The following FRMD4B variants were observed in gnomAD, a reference collection of about 807,000 sequenced individuals.
The protein encoded by FRMD4B is FERM domain containing 4B.
In FRMD4B, 74 loss-of-function variants were observed where a neutral mutation model predicts 141.5. The observed-to-expected ratio is 0.52, with a 90% CI of 0.43 to 0.63. The LOEUF (loss-of-function observed/expected upper bound fraction) is 0.63, where lower values mean the gene tolerates loss of function less well. FRMD4B is among the 30% of genes least tolerant of loss of function. The pLI, the probability that FRMD4B is intolerant of heterozygous loss-of-function variation, is 0.00. For missense variants in FRMD4B, 1,366 were observed against 1,253.4 expected, an observed-to-expected ratio of 1.09 and a Z score of -1.36; for synonymous variants, 506 against 467.9, an observed-to-expected ratio of 1.08 and a Z score of -1.05.
chr3:69,249,195 G>A, intron 7 of FRMD4B, 31 bp downstream of exon 7: 1 of 1,408,590 alleles, frequency 7.1e-7, no homozygotes, highest in Non-Finnish European at 9.9e-7. Flanking sequence ...GGGTTATTTT[G>A]CATAGTAATA....
intron 5 of FRMD4B, among the ~76,000 whole-genome samples, chr3:69,258,277 T>C (rs963182215): frequency 2.0e-5 from 3 of 151,678 alleles, no homozygotes; most frequent in Non-Finnish European, 4.4e-5. Flanking sequence ...GTATATTCAG[T>C]ATTTAATTTT....
chr3:69,475,659 A>G (rs1367534289), intron 1 of FRMD4B, among the ~76,000 whole-genome samples: 2 of 152,164 alleles, frequency 1.3e-5, no homozygotes, highest in African/African-American at 4.8e-5. Flanking sequence ...TAGAGCCGCA[A>G]TAAACATACG....
chr3:69,509,721 T>C lies in FRMD4B; in HGVS notation c.-129+32485A>G, dbSNP rs1706659284. On this transcript the variant is annotated intron_variant, in intron 1 of 5. Coordinates refer to the FRMD4B transcript ENST00000459638. The stretch of plus-strand genomic sequence containing the variant: ...TCACAGATATTAATTTTTTGTTTTG[T>C]TGTGTTTTTTACAAACTGAAGGTTT... Among the ~76,000 whole-genome samples, 3 of 152,154 alleles carry C rather than the reference T, an allele frequency of 2.0e-5. No homozygotes were observed. In the South Asian group the frequency reaches 6.2e-4, roughly 32 times the overall value.
intron 1 of FRMD4B, among the ~76,000 whole-genome samples, chr3:69,470,789 T>C (rs527868871): frequency 6.6e-6 from 1 of 152,252 alleles, no homozygotes; most frequent in South Asian, 2.1e-4. Context: ...TTTTCGAATC[T>C]GTTTTATTTG....
intron 1 of FRMD4B, among the ~76,000 whole-genome samples, chr3:69,498,192 C>T (rs551538355): frequency 1.3e-5 from 2 of 152,270 alleles, no homozygotes; most frequent in South Asian, 4.1e-4. Context: ...CAAGTGAGAA[C>T]TGAGGAGGAC....
intron 5 of FRMD4B, among the ~76,000 whole-genome samples, chr3:69,275,952 T>C (rs944732493): frequency 1.3e-5 from 2 of 152,144 alleles, no homozygotes; most frequent in East Asian, 1.9e-4. Context: ...TTCATATACA[T>C]AAGCACATAA....
chr3:69,429,588 C>A (rs1705143509), intron 2 of FRMD4B, among the ~76,000 whole-genome samples: 2 of 151,900 alleles, frequency 1.3e-5, no homozygotes, highest in African/African-American at 4.8e-5. Context: ...CATATGTATC[C>A]CTAAAACGTG....
chr3:69,306,397 G>A (rs1434231197), intron 3 of FRMD4B: 3 of 152,224 alleles, frequency 2.0e-5, no homozygotes, highest in African/African-American at 7.2e-5. Context: ...TCACAGTTGT[G>A]TTGTAAAGTC....
intron 11 of FRMD4B, among the ~76,000 whole-genome samples, chr3:69,199,848 C>G (rs771205117): frequency 6.6e-6 from 1 of 152,160 alleles, no homozygotes; most frequent in African/African-American, 2.4e-5. Flanking sequence ...ATTGAGGATG[C>G]CTTGCTATGT....
chr3:69,174,345 A>T (rs2092621197), intron 22 of FRMD4B, among the ~76,000 whole-genome samples: 1 of 152,156 alleles, frequency 6.6e-6, no homozygotes. Context: ...TTAAGTTTTT[A>T]AAAAAATGGA....
At chr3:69,240,847 C>A (rs768082341) in intron 7 of FRMD4B, among the ~76,000 whole-genome samples, 2 of 152,196 alleles carry the variant, frequency 1.3e-5, no homozygotes, top group African/African-American at 4.8e-5. Flanking sequence ...TCTCCCTCAA[C>A]AATGTCGTCT....
At position 69,188,775 on chromosome 3, in the gene FRMD4B, A is replaced by AAAAAAAAAAAAC. The variant is rs1553696831; in HGVS notation, c.1772-859_1772-858insGTTTTTTTTTTT. Among the ~76,000 whole-genome samples, 12 of 148,198 alleles carry AAAAAAAAAAAAC rather than the reference A, an allele frequency of 8.1e-5. 1 individual carries two copies. Among genetic ancestry groups the AAAAAAAAAAAAC allele is most frequent in the African/African-American group, 3.0e-4 (12 of 39,394 alleles). ...CGAGACTCCGTCTCAAAAAAAAAAA[A>AAAAAAAAAAAAC]AAAAAAAAACTTGGGGAAGATAAAG... On this transcript the variant is annotated intron_variant, in intron 18 of 22. Coordinates refer to ENST00000398540, the MANE Select transcript of FRMD4B (RefSeq NM_015123.3).
At chr3:69,355,930 CAGG>C (rs1248365922) in intron 1 of FRMD4B, among the ~76,000 whole-genome samples, 2 of 152,116 alleles carry the variant, frequency 1.3e-5, no homozygotes, top group Non-Finnish European at 2.9e-5. Flanking sequence ...GAGGCTGAAG[CAGG>C]AGAATTGCTT....
At chr3:69,266,608 G>A (rs1019408304) in intron 5 of FRMD4B, among the ~76,000 whole-genome samples, 2 of 152,162 alleles carry the variant, frequency 1.3e-5, no homozygotes, top group Non-Finnish European at 2.9e-5. Flanking sequence ...TTACAGGCAT[G>A]AGCCACCGTG....
intron 1 of FRMD4B, among the ~76,000 whole-genome samples, chr3:69,445,436 G>T (rs1705398158): frequency 6.6e-6 from 1 of 152,184 alleles, no homozygotes; most frequent in African/African-American, 2.4e-5. Context: ...AACCTTGGCT[G>T]CTCAGGCCAT....
chr3:69,445,119 G>A (rs1469631362), intron 1 of FRMD4B, among the ~76,000 whole-genome samples: 5 of 152,190 alleles, frequency 3.3e-5, no homozygotes, highest in Middle Eastern at 3.4e-3. Flanking sequence ...TGACATACCC[G>A]CCAGAAACGA....
chr3:69,199,524 C>T (rs1247057975), intron 11 of FRMD4B, among the ~76,000 whole-genome samples: 1 of 152,202 alleles, frequency 6.6e-6, no homozygotes. Context: ...ACGGAACCCC[C>T]ATGCAGGGGT....
At chr3:69,475,962 A>T (rs112390202) in intron 1 of FRMD4B, among the ~76,000 whole-genome samples, 4 of 151,024 alleles carry the variant, frequency 2.6e-5, no homozygotes, top group Admixed American at 6.6e-5. Context: ...GCCAGTGATG[A>T]TGAGCATTTT....
intron 7 of FRMD4B, among the ~76,000 whole-genome samples, chr3:69,246,532 T>C (rs1055710913): frequency 1.3e-5 from 2 of 152,008 alleles, no homozygotes; most frequent in African/African-American, 4.8e-5. Context: ...GAAAAACATA[T>C]CCTCTCTATT....
Sources: gnomAD v4.1 joint callset for allele counts (sites outside exome capture counted in the v4.1 genomes callset) on GRCh38, gnomAD v4.1.1 for gene constraint, MANE v1.5 for transcripts, NCBI Gene and HGNC (gene_info 2026-07-23, HGNC 2026-07-21) for gene names.